The following SHANK2 variants were observed in gnomAD, a reference collection of about 807,000 sequenced individuals.
The protein encoded by SHANK2 is SH3 and multiple ankyrin repeat domains protein 2.
In SHANK2, 43 loss-of-function variants were observed where a neutral mutation model predicts 133.7. That is an observed-to-expected ratio of 0.32 (90% CI 0.25 to 0.41). The LOEUF is 0.41. SHANK2 is among the 10% of genes least tolerant of loss of function. The pLI, the probability that SHANK2 is intolerant of heterozygous loss-of-function variation, is 1.00. For missense variants in SHANK2, 1,994 were observed against 2,235.8 expected (o/e 0.89, Z 2.18); for synonymous variants, 1,017 against 952.8 (o/e 1.07, Z -1.24).
At chr11:70,546,401 C>T (rs890205185) in intron 17 of SHANK2, among the ~76,000 whole-genome samples, 16 of 152,084 alleles carry the variant, frequency 1.1e-4, no homozygotes, top group Non-Finnish European at 1.3e-4. Flanking sequence ...ATCTAGCCTC[C>T]GCCTCCCCTA....
chr11:70,881,875 ATTAT>A (rs1317574636), intron 11 of SHANK2, among the ~76,000 whole-genome samples: 5 of 151,480 alleles, frequency 3.3e-5, no homozygotes, highest in African/African-American at 9.7e-5. Context: ...CACCCAGCAA[ATTAT>A]TTATTTATTT....
intron 11 of SHANK2, among the ~76,000 whole-genome samples, chr11:70,820,994 G>A (rs782661078): frequency 1.5e-4 from 23 of 152,130 alleles, no homozygotes; most frequent in Admixed American, 2.6e-4. Flanking sequence ...GGCTGGCTTG[G>A]GCATGTGTAA....
Position 70,541,832 on chromosome 11 carries a change from C to T in SHANK2, c.2062-38901G>A, listed in dbSNP as rs567296105. Among the ~76,000 whole-genome samples the T allele has an allele frequency of 2.0e-5, 3 of 152,342 alleles. No homozygotes were observed. In the East Asian group the frequency reaches 5.8e-4, roughly 29 times the overall value. ...ACAGAGAATTGCTGAGTCCCAGGTG[C>T]CACCAATGCCGGGGCTGACCCTGCC... On this transcript the variant is annotated intron_variant, in intron 17 of 25. Coordinates refer to ENST00000601538, the MANE Select transcript of SHANK2 (RefSeq NM_012309.5).
intron 2 of SHANK2, among the ~76,000 whole-genome samples, chr11:71,163,402 A>T (rs1953068105): frequency 6.6e-6 from 1 of 152,190 alleles, no homozygotes; most frequent in Admixed American, 6.5e-5. Flanking sequence ...TGGAAGCTGG[A>T]CAGATGTGCT....
At position 70,826,643 on chromosome 11, in the gene SHANK2, T is replaced by C. The variant is rs530398397; in HGVS notation, c.1175-5961A>G. 1.2e-5 allele frequency: 5 copies of C among 431,144 alleles called. No homozygotes were observed. The East Asian group carries it at 3.6e-4, about 31-fold the overall frequency. The allele number at this position is 431,144 out of a possible 1,614,324, so 26.7% of individuals were successfully genotyped here. Reference sequence around the variant, plus strand: ...TGGCGGGTGTCTGGGCACGGTGCACTTCCGAGCATAGCTGGGCATGCCAGA... The same window carrying C: ...TGGCGGGTGTCTGGGCACGGTGCACCTCCGAGCATAGCTGGGCATGCCAGA... On this transcript the variant is annotated intron_variant, in intron 11 of 25. Coordinates refer to ENST00000601538, the MANE Select transcript of SHANK2 (RefSeq NM_012309.5).
At chr11:70,502,507 CA>C (rs2059070118) in intron 18 of SHANK2, among the ~76,000 whole-genome samples, 1 of 151,826 alleles carries the variant, frequency 6.6e-6, no homozygotes, top group African/African-American at 2.4e-5. Context: ...TGGGCCTGGG[CA>C]GGGGGAGGGA....
intron 11 of SHANK2, among the ~76,000 whole-genome samples, chr11:70,853,508 CA>C (rs1356168291): frequency 3.3e-5 from 5 of 152,278 alleles, no homozygotes; most frequent in East Asian, 1.9e-4. Flanking sequence ...TCTTTATGGC[CA>C]GGGGGGATGC....
intron 1 of SHANK2, among the ~76,000 whole-genome samples, chr11:71,245,142 G>A (rs1187903278): frequency 6.6e-6 from 1 of 151,890 alleles, no homozygotes; most frequent in Non-Finnish European, 1.5e-5. Context: ...CACTACACCT[G>A]GCTAATTTTT....
At chr11:70,754,026 T>C (rs538864021) in intron 14 of SHANK2, among the ~76,000 whole-genome samples, 1 of 152,294 alleles carries the variant, frequency 6.6e-6, no homozygotes, top group South Asian at 2.1e-4. Context: ...TGGCTAGGCT[T>C]GTCTTGAACT....
chr11:70,502,719 C>A (rs1463711924), intron 18 of SHANK2, 77 bp downstream of exon 18: 2 of 1,346,620 alleles, frequency 1.5e-6, no homozygotes, highest in East Asian at 2.7e-5. Context: ...CCCACTGCCC[C>A]CCAGCTGTCC....
chr11:70,633,040 G>A (rs1302993076), intron 17 of SHANK2, among the ~76,000 whole-genome samples: 1 of 152,044 alleles, frequency 6.6e-6, no homozygotes, highest in African/African-American at 2.4e-5. Flanking sequence ...CTGGGCATGA[G>A]GGGGCTGCCA....
At chr11:71,112,636 C>T (rs1345144169) in intron 5 of SHANK2, among the ~76,000 whole-genome samples, 1 of 152,132 alleles carries the variant, frequency 6.6e-6, no homozygotes, top group African/African-American at 2.4e-5. Context: ...GGGCCAGGGG[C>T]CAGGACAAAA....
chr11:70,488,711 G>T (rs1555154998), intron 24 of SHANK2, among the ~76,000 whole-genome samples: 1 of 152,254 alleles, frequency 6.6e-6, no homozygotes, highest in East Asian at 1.9e-4. Context: ...ACCCTTTGGA[G>T]CAGGGGCTGA....
intron 2 of SHANK2, among the ~76,000 whole-genome samples, chr11:71,174,242 G>A (rs1312347328): frequency 6.6e-6 from 1 of 152,194 alleles, no homozygotes; most frequent in Non-Finnish European, 1.5e-5. Context: ...ACTGGAAACA[G>A]TCATTAAGAA....
At chr11:70,732,212 G>A (rs564567621) in intron 14 of SHANK2, among the ~76,000 whole-genome samples, 26 of 152,214 alleles carry the variant, frequency 1.7e-4, no homozygotes, top group African/African-American at 3.1e-4. Context: ...CTGCCCTGGC[G>A]CCTCATCCAG....
chr11:70,816,373 C>T (rs1029778761), intron 12 of SHANK2, among the ~76,000 whole-genome samples: 7 of 152,348 alleles, frequency 4.6e-5, no homozygotes, highest in South Asian at 2.1e-4. Flanking sequence ...GGTTGCTCAG[C>T]ATGGGCTGAT....
At chr11:71,206,986 C>T (rs782357120) in intron 2 of SHANK2, among the ~76,000 whole-genome samples, 2 of 151,640 alleles carry the variant, frequency 1.3e-5, no homozygotes, top group Admixed American at 6.6e-5. Flanking sequence ...CTCAGGAAGG[C>T]GGGGAGTGAG....
intron 17 of SHANK2, among the ~76,000 whole-genome samples, chr11:70,588,028 G>A (rs556850736): frequency 5.9e-5 from 9 of 152,192 alleles, no homozygotes; most frequent in African/African-American, 2.2e-4. Flanking sequence ...TGCTTCTATT[G>A]TAATTGTTTT....
intron 8 of SHANK2, among the ~76,000 whole-genome samples, chr11:71,091,365 G>A (rs1951517201): frequency 6.6e-6 from 1 of 152,186 alleles, no homozygotes; most frequent in Non-Finnish European, 1.5e-5. Context: ...GGGGCCTGCT[G>A]GCACCCCCAC....
Sources: gnomAD v4.1 joint callset for allele counts (sites outside exome capture counted in the v4.1 genomes callset) on GRCh38, gnomAD v4.1.1 for gene constraint, MANE v1.5 for transcripts, NCBI Gene and HGNC (gene_info 2026-07-23, HGNC 2026-07-21) for gene names.